BAZ2B: variants seen among roughly 807,000 people sequenced by gnomAD.
BAZ2B encodes the protein bromodomain adjacent to zinc finger domain 2B, also known as bromodomain adjacent to zinc finger domain protein 2B.
Under a neutral mutation model 246.0 loss-of-function variants are expected in BAZ2B, and 91 were observed. That is an observed-to-expected ratio of 0.37 (90% CI 0.31 to 0.44). The LOEUF (loss-of-function observed/expected upper bound fraction) is 0.44, where lower values mean the gene tolerates loss of function less well. BAZ2B is among the 20% of genes least tolerant of loss of function. The pLI is 1.00. For synonymous variants in BAZ2B, 855 were observed against 860.0 expected, an observed-to-expected ratio of 0.99 and a Z score of 0.10; for missense variants, 2,332 against 2,533.7, an observed-to-expected ratio of 0.92 and a Z score of 1.71.
At chr2:159,497,869 C>T (rs763273718) in intron 2 of BAZ2B, among the ~76,000 whole-genome samples, 2 of 152,156 alleles carry the variant, frequency 1.3e-5, no homozygotes, top group Non-Finnish European at 1.5e-5. Flanking sequence ...ACCACTGAGA[C>T]ATATTCTGGT....
chr2:159,666,461 A>G, the BAZ2B span, among the ~76,000 whole-genome samples: 1 of 151,998 alleles, frequency 6.6e-6, no homozygotes, highest in Non-Finnish European at 1.5e-5. Flanking sequence ...GGGTTTCACC[A>G]TGTTGCCCAG....
At chr2:159,441,899 C>T (rs2073467998) in intron 6 of BAZ2B, among the ~76,000 whole-genome samples, 1 of 152,126 alleles carries the variant, frequency 6.6e-6, no homozygotes, top group Non-Finnish European at 1.5e-5. Context: ...AGAACCTTAT[C>T]CTTGAACCTT....
At chr2:159,514,233 G>T (rs1329200681) in intron 2 of BAZ2B, among the ~76,000 whole-genome samples, 1 of 152,072 alleles carries the variant, frequency 6.6e-6, no homozygotes, top group African/African-American at 2.4e-5. Flanking sequence ...AGTTTCATTT[G>T]CTGATATTTC....
intron 16 of BAZ2B, among the ~76,000 whole-genome samples, chr2:159,401,710 A>G (rs2065098819): frequency 6.6e-6 from 1 of 152,164 alleles, no homozygotes; most frequent in South Asian, 2.1e-4. Context: ...TAACTTAGTG[A>G]TCATATAAAT....
chr2:159,419,128 C>T (rs2068274797), intron 13 of BAZ2B, among the ~76,000 whole-genome samples: 2 of 152,116 alleles, frequency 1.3e-5, no homozygotes, highest in Non-Finnish European at 2.9e-5. Flanking sequence ...GAATCTTTTA[C>T]TTCCCAATTT....
intron 6 of BAZ2B, among the ~76,000 whole-genome samples, chr2:159,446,075 C>T (rs2150364900): frequency 6.6e-6 from 1 of 152,178 alleles, no homozygotes; most frequent in African/African-American, 2.4e-5. Flanking sequence ...GATTCTGCCA[C>T]TACACTCCAG....
chr2:159,633,022 A>G, the BAZ2B span, among the ~76,000 whole-genome samples: 188 of 152,334 alleles, frequency 1.2e-3, no homozygotes, highest in African/African-American at 4.4e-3. Context: ...TCAACTGGCT[A>G]TATGAATTTT....
chr2:159,606,359 T>C (rs575334011), intron 1 of BAZ2B, among the ~76,000 whole-genome samples: 27 of 152,348 alleles, frequency 1.8e-4, no homozygotes, highest in Non-Finnish European at 4.4e-5. Flanking sequence ...TTTCTCAGCA[T>C]GCTGCACTAA....
intron 6 of BAZ2B, among the ~76,000 whole-genome samples, chr2:159,441,884 T>C (rs1344485104): frequency 6.6e-6 from 1 of 152,184 alleles, no homozygotes; most frequent in Non-Finnish European, 1.5e-5. Flanking sequence ...CTGGGAAAAC[T>C]TTTCAGAACC....
At chr2:159,643,944 C>T in the BAZ2B span, among the ~76,000 whole-genome samples, 1 of 150,608 alleles carries the variant, frequency 6.6e-6, no homozygotes, top group Non-Finnish European at 1.5e-5. Context: ...AAGCCCAAGT[C>T]TCATTTAAAT....
At chr2:159,569,393 T>C (rs960093812) in intron 1 of BAZ2B, among the ~76,000 whole-genome samples, 4 of 152,064 alleles carry the variant, frequency 2.6e-5, no homozygotes, top group African/African-American at 9.7e-5. Context: ...TCCTTATATC[T>C]AGGCAAGACA....
chr2:159,391,057 T>C (rs1240314781), intron 20 of BAZ2B, among the ~76,000 whole-genome samples: 1 of 152,168 alleles, frequency 6.6e-6, no homozygotes, highest in African/African-American at 2.4e-5. Context: ...TTTTTTCCCC[T>C]AGAACTGAAA....
the BAZ2B span, among the ~76,000 whole-genome samples, chr2:159,680,898 C>T: frequency 5.0e-4 from 76 of 152,062 alleles, no homozygotes; most frequent in Non-Finnish European, 9.4e-4. Flanking sequence ...TCATGCCTGT[C>T]AGGATGAGCA....
At chr2:159,666,906 A>T in the BAZ2B span, among the ~76,000 whole-genome samples, 1 of 151,990 alleles carries the variant, frequency 6.6e-6, no homozygotes, top group Non-Finnish European at 1.5e-5. Flanking sequence ...AGAGAGGGGA[A>T]CATCACACAC....
chr2:159,393,042 T>G (rs748369273), intron 20 of BAZ2B, among the ~76,000 whole-genome samples: 4 of 152,042 alleles, frequency 2.6e-5, no homozygotes, highest in Non-Finnish European at 5.9e-5. Context: ...GAACAACAAA[T>G]AGGAACCATG....
intron 6 of BAZ2B, among the ~76,000 whole-genome samples, chr2:159,446,426 A>G (rs1226481639): frequency 6.6e-6 from 1 of 152,186 alleles, no homozygotes; most frequent in Non-Finnish European, 1.5e-5. Flanking sequence ...AATGCACAGG[A>G]GTTAACCCAC....
chr2:159,448,851 G>C (rs1577148514), intron 4 of BAZ2B, among the ~76,000 whole-genome samples: 1 of 152,090 alleles, frequency 6.6e-6, no homozygotes, highest in Non-Finnish European at 1.5e-5. Flanking sequence ...AAATCAGTTA[G>C]TCTAAATAAT....
At chr2:159,639,681 A>G in the BAZ2B span, among the ~76,000 whole-genome samples, 1 of 152,130 alleles carries the variant, frequency 6.6e-6, no homozygotes, top group African/African-American at 2.4e-5. Context: ...AAATCAGAAA[A>G]CATACAATGG....
chr2:159,524,564 G>A (rs1418158276), intron 2 of BAZ2B, among the ~76,000 whole-genome samples: 1 of 152,092 alleles, frequency 6.6e-6, no homozygotes, highest in Non-Finnish European at 1.5e-5. Context: ...CAATTCACAT[G>A]GTTCTGCAGG....
Sources: allele counts gnomAD v4.1 joint callset (sites outside exome capture counted in the v4.1 genomes callset), GRCh38; gene constraint gnomAD v4.1.1; transcripts MANE v1.5; gene names NCBI Gene and HGNC (gene_info 2026-07-23, HGNC 2026-07-21).